Variants in TNFRSF10D observed in about 807,000 individuals in gnomAD.
TNFRSF10D encodes the protein tumor necrosis factor receptor superfamily member 10D.
TNFRSF10D carries 28 observed loss-of-function variants against 42.1 expected under a neutral mutation model. The observed-to-expected ratio is 0.66, with a 90% CI of 0.49 to 0.91. The LOEUF (loss-of-function observed/expected upper bound fraction) is 0.91, where lower values mean the gene tolerates loss of function less well. Ranked by LOEUF, TNFRSF10D falls within the 40% of genes least tolerant of loss-of-function variation. The pLI is 0.00. For synonymous variants in TNFRSF10D, 186 were observed against 189.4 expected, an observed-to-expected ratio of 0.98 and a Z score of 0.15; for missense variants, 503 against 486.1, an observed-to-expected ratio of 1.03 and a Z score of -0.33.
rs946825866 is a variant in TNFRSF10D, at chr8:23,145,909, C to A, written c.495G>T (p.Gly165=). 2.0e-5 allele frequency: 32 copies of A among 1,614,040 alleles called. No homozygotes were observed. The highest frequency in any genetic ancestry group is 2.5e-5 in the Non-Finnish European group (30 of 1,180,038). Residue 165 remains glycine, a synonymous_variant, in exon 5 of 9, where the codon GGG becomes GGT. Transcript: ENST00000312584. ...GCGTACAATTACTGACCTTGACCAT[C>A]CCTCTGGGACACCTGGGTACACACA... The part of the protein sequence containing the change: ...CRTCRTGCPR[G]MVKVSNCTPR...
At chr8:23,163,346 G>T (rs532285433) in intron 1 of TNFRSF10D, among the ~76,000 whole-genome samples, 1 of 152,120 alleles carries the variant, frequency 6.6e-6, no homozygotes, top group South Asian at 2.1e-4. Flanking sequence ...CAGGTGATCC[G>T]CCCGCCTCGG....
intron 7 of TNFRSF10D, among the ~76,000 whole-genome samples, chr8:23,142,172 GA>G (rs1167269332): frequency 6.6e-6 from 1 of 152,136 alleles, no homozygotes; most frequent in Non-Finnish European, 1.5e-5. Flanking sequence ...TCTGGAGGCT[GA>G]GGCAGAGAAC....
chr8:23,142,533 A>C (rs1023305485), intron 7 of TNFRSF10D, among the ~76,000 whole-genome samples: 2 of 152,226 alleles, frequency 1.3e-5, no homozygotes, highest in Admixed American at 1.3e-4. Context: ...ATTTATAAGT[A>C]GTAGCTAAAC....
At chr8:23,153,407 G>C (rs1301291504) in intron 2 of TNFRSF10D, among the ~76,000 whole-genome samples, 1 of 152,160 alleles carries the variant, frequency 6.6e-6, no homozygotes, top group Admixed American at 6.5e-5. Context: ...GCACAACAAA[G>C]GAAACAATGA....
At chr8:23,157,706 C>CAGCTGCAGAAT (rs1800300805) in intron 1 of TNFRSF10D, among the ~76,000 whole-genome samples, 1 of 152,144 alleles carries the variant, frequency 6.6e-6, no homozygotes, top group Non-Finnish European at 1.5e-5. Flanking sequence ...TAGGCATATA[C>CAGCTGCAGAAT]AATTTGTGAT....
At chr8:23,158,207 CTG>C (rs1800307412) in intron 1 of TNFRSF10D, among the ~76,000 whole-genome samples, 1 of 152,210 alleles carries the variant, frequency 6.6e-6, no homozygotes, top group Admixed American at 6.5e-5. Flanking sequence ...AAACTTGCCT[CTG>C]TCTCTCCTTC....
At chr8:23,145,988 A>G (rs1353001762) in intron 4 of TNFRSF10D, 67 bp from the exon 5 acceptor site, 2 of 1,609,200 alleles carry the variant, frequency 1.2e-6, no homozygotes, top group African/African-American at 1.3e-5. Flanking sequence ...ATGAAAGAGG[A>G]GCCACCCTCC....
intron 7 of TNFRSF10D, among the ~76,000 whole-genome samples, chr8:23,143,868 T>TA (rs932316312): frequency 6.7e-5 from 10 of 149,194 alleles, no homozygotes; most frequent in Non-Finnish European, 1.2e-4. Flanking sequence ...GGAAAGAACT[T>TA]AAAAAAAAAC....
At position 23,138,036 on chromosome 8, in the gene TNFRSF10D, G is replaced by GACA. The variant is rs759548845; in HGVS notation, c.1028-34_1028-33insTGT. Reference sequence around the variant, plus strand: ...GAGAGAAGAGATTTAGGGTCTCAATGCTCCAAGGACGATCAGCACAGGATC... The same window carrying GACA: ...GAGAGAAGAGATTTAGGGTCTCAATGACACTCCAAGGACGATCAGCACAGGATC... On this transcript the variant is annotated intron_variant, in intron 8 of 8. Transcript: ENST00000312584. 1.5e-3 allele frequency: 2,453 copies of GACA among 1,612,022 alleles called. No homozygotes were observed. The African/African-American group carries it at 0.018, about 12-fold the overall frequency.
rs61736093 is a variant in TNFRSF10D, at chr8:23,163,900, C to T, written c.36G>A (p.Ser12=). ...CTGGATAGCGCCCTGCTCGAGCGCT[C>T]GAGGCGGTCGGGACGCTTTGTCCCC... ...GLWGQSVPTA[S]SARAGRYPGA... is the part of the protein sequence containing the mutation. The change falls in exon 1 of 9, where the codon TCG becomes TCA. Residue 12 remains serine, a synonymous_variant. Transcript: ENST00000312584. 929 of 1,589,432 alleles carry T rather than the reference C, an allele frequency of 5.8e-4. 1 individual carries two copies. The highest frequency in any genetic ancestry group is 7.4e-4 in the Non-Finnish European group (865 of 1,170,716).
At position 23,137,476 on chromosome 8, in the gene TNFRSF10D, T is replaced by C. The variant is rs953658588; in HGVS notation, c.*394A>G. ...GAATGACATCCTAAAACCACTTTTTTTCTTTTTAAATTGAGATGGAGTTTC... is the reference window on the plus strand; with the variant it reads ...GAATGACATCCTAAAACCACTTTTTCTCTTTTTAAATTGAGATGGAGTTTC... On this transcript the variant is annotated 3_prime_UTR_variant, in exon 9 of 9. Coordinates refer to ENST00000312584, the MANE Select transcript of TNFRSF10D (RefSeq NM_003840.5). 3 of 159,382 alleles carry C rather than the reference T, an allele frequency of 1.9e-5. No homozygotes were observed. Among genetic ancestry groups the C allele is most frequent in the African/African-American group, 7.2e-5 (3 of 41,604 alleles). 9.9% of individuals were successfully genotyped at this position (159,382 alleles called of 1,614,324 possible).
intron 7 of TNFRSF10D, among the ~76,000 whole-genome samples, chr8:23,140,668 G>A (rs1315555565): frequency 1.3e-5 from 2 of 152,164 alleles, no homozygotes; most frequent in East Asian, 3.9e-4. Context: ...GAATCACGTG[G>A]ACTGGTTTTT....
chr8:23,151,770 C>T (rs182860037), intron 2 of TNFRSF10D, among the ~76,000 whole-genome samples: 4 of 152,258 alleles, frequency 2.6e-5, no homozygotes, highest in African/African-American at 9.6e-5. Context: ...TTTTTATACA[C>T]TGACAAGAAA....
chr8:23,143,076 AC>A lies in TNFRSF10D; in HGVS notation c.954+1373del, dbSNP rs550766797. ...ACTGCAGGCTCCGCCTCACGGGTTCACGCCATTCTCCTGCCTCAGCCTCCCG... is the reference window on the plus strand; with the variant it reads ...ACTGCAGGCTCCGCCTCACGGGTTCAGCCATTCTCCTGCCTCAGCCTCCCG... On this transcript the variant is annotated intron_variant, in intron 7 of 8. Transcript: ENST00000312584. 9.9e-5 allele frequency among the ~76,000 whole-genome samples: 15 copies of A among 151,902 alleles called. No individual in the cohort carries two copies. In the South Asian group the frequency reaches 2.9e-3, roughly 29 times the overall value.
At chr8:23,149,001 T>A (rs372750998) in intron 2 of TNFRSF10D, among the ~76,000 whole-genome samples, 16 of 151,456 alleles carry the variant, frequency 1.1e-4, no homozygotes, top group Non-Finnish European at 4.4e-5. Flanking sequence ...CCATCCTGGC[T>A]AACACAGTGA....
rs1800161693 is a variant in TNFRSF10D at position 23,148,532 on chromosome 8, A to G, written c.276T>C (p.Tyr92=). ...ECPAGSHRSE[Y]TGACNPCTEG... The stretch of plus-strand genomic sequence containing the variant: ...CTGTGCACGGGTTACAGGCTCCAGT[A>G]TATTCTGATCTATGAGATCCTGGGA... The change falls in exon 3 of 9, where the codon TAT becomes TAC. Residue 92 remains tyrosine (Y), a synonymous_variant. Coordinates refer to ENST00000312584, the MANE Select transcript of TNFRSF10D (RefSeq NM_003840.5). 1 of 1,609,164 alleles carries G rather than the reference A, an allele frequency of 6.2e-7. No individual in the cohort carries two copies. The highest frequency in any genetic ancestry group is 1.3e-5 in the African/African-American group (1 of 74,754).
intron 1 of TNFRSF10D, among the ~76,000 whole-genome samples, chr8:23,158,570 G>T (rs114174470): frequency 6.2e-3 from 939 of 152,192 alleles, no homozygotes; most frequent in African/African-American, 0.019. Context: ...TGCAATAATT[G>T]TTAGTCAAAA....
At chr8:23,147,237 T>C (rs1245634593) in intron 3 of TNFRSF10D, among the ~76,000 whole-genome samples, 165 bp from the exon 4 acceptor site, 2 of 152,060 alleles carry the variant, frequency 1.3e-5, no homozygotes, top group African/African-American at 4.8e-5. Context: ...ACACCCACCC[T>C]GTATGTAAGG....
chr8:23,150,195 AGG>A (rs1460250207), intron 2 of TNFRSF10D, among the ~76,000 whole-genome samples: 924 of 152,208 alleles, frequency 6.1e-3, no homozygotes, highest in African/African-American at 0.019. Flanking sequence ...CCATGAACTC[AGG>A]CTCCAGGCCC....
Sources: gnomAD v4.1 joint callset for allele counts (sites outside exome capture counted in the v4.1 genomes callset) on GRCh38, gnomAD v4.1.1 for gene constraint, MANE v1.5 for transcripts, NCBI Gene and HGNC (gene_info 2026-07-23, HGNC 2026-07-21) for gene names.